The following NUP160 variants were observed in gnomAD, a reference collection of about 807,000 sequenced individuals.
NUP160 encodes the protein nuclear pore complex protein Nup160.
In NUP160, 94 loss-of-function variants were observed where a neutral mutation model predicts 196.9. The observed-to-expected ratio is 0.48, with a 90% confidence interval of 0.40 to 0.57. The LOEUF is 0.57. NUP160 is among the 20% of genes least tolerant of loss of function. The pLI, the probability that NUP160 is intolerant of heterozygous loss-of-function variation, is 0.00. For missense variants in NUP160, 1,638 were observed against 1,748.3 expected (o/e 0.94, Z 1.13); for synonymous variants, 605 against 619.7 (o/e 0.98, Z 0.35).
Position 47,798,255 on chromosome 11 carries a change from A to T in NUP160, c.2999T>A (p.Leu1000Gln), listed in dbSNP as rs543387409. 7.5e-6 allele frequency: 12 copies of T among 1,605,822 alleles called. No homozygotes were observed. Among genetic ancestry groups the T allele is most frequent in the Admixed American group, 5.0e-5 (3 of 59,728 alleles). Reference sequence around the variant, plus strand: ...ATGATGTTTGAAAATACATGTCCTTAGAGTAGCCTAAATATCAAATGTAGA... The same window carrying T: ...ATGATGTTTGAAAATACATGTCCTTTGAGTAGCCTAAATATCAAATGTAGA... The change falls in exon 25 of 36, where the codon CTA becomes CAA. Residue 1000 changes from leucine (L) to glutamine (Q), a missense_variant. Leu to Gln is a moderately radical substitution (Grantham distance 113). Around this residue, in one of 3 missense-constraint regions of NUP160, gnomAD observed 1,345 missense variants for 1,470.2 expected, o/e 0.91. Coordinates refer to ENST00000378460, the Ensembl canonical transcript of NUP160.
At chr11:47,779,569 A>C (rs147223364) in intron 35 of NUP160, 31 of 519,804 alleles carry the variant, frequency 6.0e-5, no homozygotes, top group African/African-American at 5.2e-4. Context: ...GAGGCACTCT[A>C]TCTCACTGGT....
chr11:47,836,483 G>A (rs1273498276), intron 6 of NUP160, among the ~76,000 whole-genome samples: 1 of 152,020 alleles, frequency 6.6e-6, no homozygotes, highest in Admixed American at 6.6e-5. Context: ...GTATGGTAGC[G>A]TGCCCCTGTA....
intron 7 of NUP160, chr11:47,826,985 G>C: frequency 2.2e-6 from 1 of 454,136 alleles, no homozygotes; most frequent in South Asian, 1.6e-5. Flanking sequence ...CAAGGCAGTG[G>C]GACCAAACTG....
At chr11:47,796,245 C>T in intron 27 of NUP160, 3 of 552,060 alleles carry the variant, frequency 5.4e-6, no homozygotes, top group Non-Finnish European at 9.9e-6. Flanking sequence ...TACGAGATTA[C>T]AGAGCACAGT....
intron 7 of NUP160, among the ~76,000 whole-genome samples, chr11:47,826,827 T>C (rs948730931): frequency 2.0e-5 from 3 of 152,124 alleles, no homozygotes; most frequent in African/African-American, 7.2e-5. Context: ...CCTCCCAAAG[T>C]GTTGGGATTA....
intron 2 of NUP160, 29 bp downstream of exon 2, chr11:47,847,819 A>T (rs1852429388): frequency 6.7e-7 from 1 of 1,494,780 alleles, no homozygotes; most frequent in East Asian, 2.3e-5. Context: ...CCTACCTTCC[A>T]GGGGAGTTTG....
intron 28 of NUP160, chr11:47,792,231 A>G: frequency 2.4e-6 from 1 of 420,022 alleles, no homozygotes. Flanking sequence ...ATCTCCATGT[A>G]AATCAACTAA....
At chr11:47,837,297 C>T (rs1318388009) in intron 5 of NUP160, among the ~76,000 whole-genome samples, 2 of 152,046 alleles carry the variant, frequency 1.3e-5, no homozygotes, top group Non-Finnish European at 2.9e-5. Flanking sequence ...TTGGGTAAGT[C>T]GGGGCAGAGC....
intron 10 of NUP160, 116 bp from the exon 11 acceptor site, chr11:47,818,240 T>C (rs1372768404): frequency 1.5e-6 from 1 of 676,966 alleles, no homozygotes; most frequent in Non-Finnish European, 2.7e-6. Context: ...CCCTTCTATA[T>C]GTGGGCAATA....
chr11:47,801,229 G>A (rs1358802911), intron 23 of NUP160, among the ~76,000 whole-genome samples: 1 of 152,036 alleles, frequency 6.6e-6, no homozygotes, highest in Non-Finnish European at 1.5e-5. Flanking sequence ...AATGGCAACT[G>A]GGCTAATAAA....
At chr11:47,797,953 G>A in intron 26 of NUP160, 25 bp downstream of exon 26, 1 of 1,540,648 alleles carries the variant, frequency 6.5e-7, no homozygotes, top group Non-Finnish European at 8.9e-7. Context: ...CTTGTTGAAA[G>A]CCATCACTGG....
At chr11:47,808,553 CA>C in intron 17 of NUP160, 24 bp from the exon 18 acceptor site, 2 of 1,601,702 alleles carry the variant, frequency 1.2e-6, no homozygotes, top group Non-Finnish European at 1.7e-6. Context: ...GTAGGTGGAC[CA>C]GACAAGAAAT....
intron 7 of NUP160, among the ~76,000 whole-genome samples, chr11:47,825,110 C>T (rs1460674411): frequency 1.3e-5 from 2 of 152,052 alleles, no homozygotes; most frequent in Non-Finnish European, 2.9e-5. Flanking sequence ...GCTGGGATTA[C>T]AGGCATGAGC....
intron 11 of NUP160, among the ~76,000 whole-genome samples, chr11:47,816,489 T>G (rs1231606191): frequency 6.6e-6 from 1 of 152,216 alleles, no homozygotes; most frequent in Non-Finnish European, 1.5e-5. Context: ...AAGAAGCCTA[T>G]GCAAGCTGGG....
intron 21 of NUP160, 89 bp downstream of exon 21, chr11:47,804,460 A>C (rs1482814916): frequency 1.2e-6 from 1 of 810,476 alleles, no homozygotes; most frequent in African/African-American, 1.8e-5. Context: ...GTGGTTCTTT[A>C]AAATGCAGTT....
At chr11:47,787,430 T>A (rs1480749762) in intron 31 of NUP160, among the ~76,000 whole-genome samples, 1 of 63,988 alleles carries the variant, frequency 1.6e-5, no homozygotes, top group African/African-American at 3.5e-5. Flanking sequence ...TTCACAAACT[T>A]TTTTTTTTTT....
intron 9 of NUP160, among the ~76,000 whole-genome samples, chr11:47,821,219 TA>T: frequency 6.6e-6 from 1 of 151,904 alleles, no homozygotes; most frequent in East Asian, 1.9e-4. Context: ...CATTTTGTCC[TA>T]AAACAAAAAT....
rs576017068 is a variant in NUP160, at chr11:47,780,319, C to T, written c.4221+24G>A. 72 of 1,482,940 alleles carry T rather than the reference C, an allele frequency of 4.9e-5. No homozygotes were observed. The Admixed American group carries it at 5.9e-4, about 12-fold the overall frequency. The allele number at this position is 1,482,940 out of a possible 1,614,324, so 91.9% of individuals were successfully genotyped here. A position where few individuals can be genotyped will look rare whatever the true frequency, so the allele number is the denominator to read the frequency against. ...TGCTAGTGCAGGGGCTTACACAAGACGTCTCATGAAAGGGCTGACTTACTG... is the reference window on the plus strand; with the variant it reads ...TGCTAGTGCAGGGGCTTACACAAGATGTCTCATGAAAGGGCTGACTTACTG... On this transcript the variant is annotated intron_variant, in intron 35 of 35. Coordinates refer to ENST00000378460, the Ensembl canonical transcript of NUP160.
intron 27 of NUP160, chr11:47,796,283 C>T (rs1355423234): frequency 1.3e-5 from 9 of 679,900 alleles, no homozygotes; most frequent in Non-Finnish European, 2.4e-5. Flanking sequence ...TGTGGACTCA[C>T]AAATTTTACC....
Sources: gnomAD v4.1 joint callset for allele counts (sites outside exome capture counted in the v4.1 genomes callset) on GRCh38, gnomAD v4.1.1 for gene constraint, gnomAD v4.1.1 regional missense constraint, MANE v1.5 for transcripts, NCBI Gene and HGNC (gene_info 2026-07-23, HGNC 2026-07-21) for gene names.